The following AKAP19 variants were observed in gnomAD, a reference collection of about 807,000 sequenced individuals.
AKAP19 encodes A-kinase anchoring protein 19.
the AKAP19 span, among the ~76,000 whole-genome samples, chr2:190,195,759 A>G: frequency 6.6e-6 from 1 of 152,118 alleles, no homozygotes; most frequent in African/African-American, 2.4e-5. Flanking sequence ...TTTTTAGTGA[A>G]GTCCAACTTA....
the AKAP19 span, among the ~76,000 whole-genome samples, chr2:190,041,283 G>C: frequency 6.6e-6 from 1 of 151,858 alleles, no homozygotes; most frequent in East Asian, 1.9e-4. Context: ...GTGGCAATTG[G>C]GACTGGGATT....
chr2:190,178,658 G>A, the AKAP19 span, among the ~76,000 whole-genome samples: 5 of 152,224 alleles, frequency 3.3e-5, no homozygotes, highest in African/African-American at 1.2e-4. The surrounding 1 kb of genome is among the most constrained non-coding windows in gnomAD (Gnocchi z 6.3). Context: ...AGCTTGGCTC[G>A]GTGTGTAGGC....
At chr2:190,116,924 CA>C in the AKAP19 span, among the ~76,000 whole-genome samples, 1 of 152,152 alleles carries the variant, frequency 6.6e-6, no homozygotes, top group Non-Finnish European at 1.5e-5. Flanking sequence ...ATAATAGATC[CA>C]GCTGAAGAGA....
At chr2:190,116,560 C>T in the AKAP19 span, among the ~76,000 whole-genome samples, 2 of 152,164 alleles carry the variant, frequency 1.3e-5, no homozygotes, top group African/African-American at 4.8e-5. Flanking sequence ...ATCCATATCC[C>T]AGTTGTAGCC....
chr2:190,183,731 C>G, the AKAP19 span, among the ~76,000 whole-genome samples: 2 of 151,980 alleles, frequency 1.3e-5, no homozygotes, highest in African/African-American at 4.8e-5. Context: ...CAGAATAGTT[C>G]TGTGCTGACA....
chr2:190,158,959 T>C, the AKAP19 span, among the ~76,000 whole-genome samples: 1 of 152,186 alleles, frequency 6.6e-6, no homozygotes, highest in Admixed American at 6.5e-5. Flanking sequence ...AAGAGACTTC[T>C]AAGACAGGAT....
chr2:190,001,754 T>C, the AKAP19 span, among the ~76,000 whole-genome samples: 2 of 152,180 alleles, frequency 1.3e-5, no homozygotes, highest in Admixed American at 6.5e-5. Flanking sequence ...GCCCAGGTTT[T>C]ACTTTCCACA....
the AKAP19 span, among the ~76,000 whole-genome samples, chr2:190,092,358 CCTACACATT>C: frequency 0.013 from 2,027 of 151,960 alleles, 49 homozygotes; most frequent in African/African-American, 0.046. Flanking sequence ...CATCAATTGT[CCTACACATT>C]CCTTCTGAAT....
chr2:190,194,524 C>T, the AKAP19 span, among the ~76,000 whole-genome samples: 310 of 147,542 alleles, frequency 2.1e-3, 2 homozygotes, highest in Non-Finnish European at 3.3e-3. Context: ...ACACACGCAG[C>T]ATCTCCCACT....
At chr2:189,982,679 A>G in the AKAP19 span, among the ~76,000 whole-genome samples, 304 of 103,804 alleles carry the variant, frequency 2.9e-3, 2 homozygotes, top group Non-Finnish European at 3.3e-3. Flanking sequence ...TTTTTTTTTT[A>G]CATTTTTTAA....
At chr2:190,137,906 T>C in the AKAP19 span, 1 of 152,302 alleles carries the variant, frequency 6.6e-6, no homozygotes, top group African/African-American at 2.4e-5. Flanking sequence ...TTTTTAGTGA[T>C]TGACACACCA....
At chr2:189,926,578 G>A in the AKAP19 span, among the ~76,000 whole-genome samples, 46 of 134,344 alleles carry the variant, frequency 3.4e-4, no homozygotes, top group African/African-American at 1.2e-3. Context: ...GAGCCACCGC[G>A]CCCGGCCTTT....
the AKAP19 span, among the ~76,000 whole-genome samples, chr2:190,038,901 T>TTTCTTTCTTCTTCTTCTTCTTC: frequency 4.6e-4 from 21 of 46,024 alleles, no homozygotes; most frequent in Admixed American, 5.2e-4. Context: ...TCTTTCTTTC[T>TTTCTTTCTTCTTCTTCTTCTTC]TTCTTCTTCT....
the AKAP19 span, among the ~76,000 whole-genome samples, chr2:190,133,956 C>T: frequency 1.3e-5 from 2 of 152,140 alleles, no homozygotes. Context: ...GTATTATACA[C>T]TTGAAATTTG....
chr2:190,103,279 A>G, the AKAP19 span, among the ~76,000 whole-genome samples: 3 of 152,216 alleles, frequency 2.0e-5, no homozygotes, highest in Non-Finnish European at 4.4e-5. Context: ...GAGAAGTGGA[A>G]CAAGACAAGG....
the AKAP19 span, among the ~76,000 whole-genome samples, chr2:189,902,533 CAGAG>C: frequency 7.2e-5 from 11 of 151,916 alleles, no homozygotes; most frequent in African/African-American, 2.2e-4. Flanking sequence ...AGAAATTTCT[CAGAG>C]AGCTTTTCCT....
the AKAP19 span, among the ~76,000 whole-genome samples, chr2:189,942,253 G>C: frequency 6.6e-6 from 1 of 150,652 alleles, no homozygotes; most frequent in South Asian, 2.1e-4. Context: ...ATTTAGAAGT[G>C]TGTGTCACCT....
At chr2:189,973,915 CT>C in the AKAP19 span, among the ~76,000 whole-genome samples, 3 of 152,088 alleles carry the variant, frequency 2.0e-5, no homozygotes, top group African/African-American at 7.2e-5. Flanking sequence ...TTTTGTTGAT[CT>C]TTTCAAAAAA....
At chr2:189,923,029 T>C in the AKAP19 span, among the ~76,000 whole-genome samples, 5 of 152,254 alleles carry the variant, frequency 3.3e-5, no homozygotes, top group South Asian at 1.0e-3. Flanking sequence ...TGTACGCCTA[T>C]AGTCCCAGCT....
Sources: gnomAD v4.1 joint callset for allele counts (sites outside exome capture counted in the v4.1 genomes callset) on GRCh38, gnomAD v4.1.1 for gene constraint, Gnocchi (gnomAD v3.1) non-coding constraint, MANE v1.5 for transcripts, NCBI Gene and HGNC (gene_info 2026-07-23, HGNC 2026-07-21) for gene names.